The following GALNTL6 variants were observed in gnomAD, a reference collection of about 807,000 sequenced individuals.
GALNTL6 encodes polypeptide N-acetylgalactosaminyltransferase-like 6.
GALNTL6 carries 46 observed loss-of-function variants against 73.7 expected under a neutral mutation model. The observed-to-expected ratio is 0.62, with a 90% CI of 0.49 to 0.80. The LOEUF is 0.80. Among genes scored for constraint, GALNTL6 ranks in the 30% least tolerant of loss-of-function variants. The pLI, the probability that GALNTL6 is intolerant of heterozygous loss-of-function variation, is 0.00. For synonymous variants in GALNTL6, 259 were observed against 263.7 expected (o/e 0.98, Z 0.17); for missense variants, 604 against 755.0 (o/e 0.80, Z 2.34).
chr4:172,407,149 G>T (rs553487919), intron 5 of GALNTL6, among the ~76,000 whole-genome samples: 17 of 151,722 alleles, frequency 1.1e-4, no homozygotes, highest in Non-Finnish European at 1.6e-4. Context: ...TTTTATATTC[G>T]CACTTTATCA....
At chr4:172,923,048 C>G (rs1037404936) in intron 8 of GALNTL6, among the ~76,000 whole-genome samples, 1 of 152,160 alleles carries the variant, frequency 6.6e-6, no homozygotes, top group Non-Finnish European at 1.5e-5. Context: ...CAGGAAGGAC[C>G]GCTCCTTAAG....
intron 2 of GALNTL6, among the ~76,000 whole-genome samples, chr4:171,843,195 G>A (rs922142193): frequency 1.8e-4 from 27 of 151,968 alleles, no homozygotes; most frequent in African/African-American, 5.3e-4. Flanking sequence ...TAGAGGCATC[G>A]TAGCAGGACA....
chr4:172,112,382 T>C (rs557161086), intron 2 of GALNTL6, among the ~76,000 whole-genome samples: 12 of 152,166 alleles, frequency 7.9e-5, no homozygotes, highest in African/African-American at 2.4e-4. Flanking sequence ...TTTGTGGACA[T>C]AAGTTTTCAA....
intron 2 of GALNTL6, among the ~76,000 whole-genome samples, chr4:172,009,528 T>C (rs979918472): frequency 6.6e-6 from 1 of 152,144 alleles, no homozygotes; most frequent in African/African-American, 2.4e-5. Flanking sequence ...TCCTTGATGA[T>C]GCTTCTCATT....
intron 3 of GALNTL6, among the ~76,000 whole-genome samples, chr4:172,238,520 A>G (rs1405210581): frequency 6.6e-6 from 1 of 151,806 alleles, no homozygotes; most frequent in Non-Finnish European, 1.5e-5. Context: ...GGGGTTTTCT[A>G]GTTATGAAAT....
intron 10 of GALNTL6, among the ~76,000 whole-genome samples, chr4:172,981,796 CTTTTTTTTTTTT>C (rs56273122): frequency 9.8e-6 from 1 of 101,808 alleles, no homozygotes; most frequent in South Asian, 3.5e-4. Flanking sequence ...GTATGAACGT[CTTTTTTTTTTTT>C]TTTTTTTTTT....
At chr4:172,422,756 C>G (rs1015779470) in intron 5 of GALNTL6, among the ~76,000 whole-genome samples, 1 of 151,672 alleles carries the variant, frequency 6.6e-6, no homozygotes, top group South Asian at 2.1e-4. Flanking sequence ...AATTCCTGAC[C>G]CTTGTTCCAA....
At chr4:172,621,152 G>T (rs1738935924) in intron 5 of GALNTL6, among the ~76,000 whole-genome samples, 1 of 152,080 alleles carries the variant, frequency 6.6e-6, no homozygotes, top group East Asian at 1.9e-4. Context: ...TTTCATTTTG[G>T]TTTATTTCTG....
chr4:171,834,697 C>T (rs1309878553), intron 2 of GALNTL6, among the ~76,000 whole-genome samples: 2 of 151,728 alleles, frequency 1.3e-5, no homozygotes, highest in Non-Finnish European at 2.9e-5. Flanking sequence ...GTGGATATAC[C>T]ATCTAAAGAT....
chr4:171,978,073 T>C lies in GALNTL6; in HGVS notation c.138+163355T>C, dbSNP rs576552381. Among the ~76,000 whole-genome samples, 5 of 152,250 alleles carry C rather than the reference T, an allele frequency of 3.3e-5. No homozygotes were observed. The East Asian group carries it at 9.7e-4, about 29-fold the overall frequency. On this transcript the variant is annotated intron_variant, in intron 2 of 12. Transcript: ENST00000506823. ...ACCGCCATTACTAACACCAACCTAATATACATTATGTTGGCAAATCTGTGG... is the reference window on the plus strand; with the variant it reads ...ACCGCCATTACTAACACCAACCTAACATACATTATGTTGGCAAATCTGTGG...
At chr4:172,846,652 T>C (rs1404564767) in intron 7 of GALNTL6, among the ~76,000 whole-genome samples, 1 of 152,216 alleles carries the variant, frequency 6.6e-6, no homozygotes, top group Admixed American at 6.5e-5. Flanking sequence ...TCTAGTAGCA[T>C]GAGTGGACCT....
chr4:171,866,787 C>T (rs113084489), intron 2 of GALNTL6, among the ~76,000 whole-genome samples: 17 of 152,152 alleles, frequency 1.1e-4, no homozygotes, highest in African/African-American at 4.1e-4. Flanking sequence ...GAGAGCATTC[C>T]TTGGGTTCTT....
intron 5 of GALNTL6, among the ~76,000 whole-genome samples, chr4:172,605,846 GA>G (rs979015993): frequency 1.5e-4 from 22 of 150,434 alleles, no homozygotes; most frequent in African/African-American, 4.6e-4. Context: ...TTTATTAAGT[GA>G]AAAAAAAAGC....
At chr4:172,050,433 T>C (rs552074714) in intron 2 of GALNTL6, among the ~76,000 whole-genome samples, 2 of 152,184 alleles carry the variant, frequency 1.3e-5, no homozygotes, top group Non-Finnish European at 1.5e-5. Flanking sequence ...TGATTTGCAG[T>C]TGGTTAAAAA....
chr4:172,705,145 T>G (rs1457928730), intron 5 of GALNTL6, among the ~76,000 whole-genome samples: 1 of 151,908 alleles, frequency 6.6e-6, no homozygotes, highest in Non-Finnish European at 1.5e-5. Flanking sequence ...ACCCTTTATC[T>G]TTTAATTGGG....
intron 2 of GALNTL6, among the ~76,000 whole-genome samples, chr4:172,198,145 A>C (rs2110894752): frequency 6.6e-6 from 1 of 152,096 alleles, no homozygotes; most frequent in Middle Eastern, 3.4e-3. Context: ...AAACTATAAA[A>C]TCCTTAGAAA....
intron 5 of GALNTL6, among the ~76,000 whole-genome samples, chr4:172,599,313 C>T (rs1467660359): frequency 1.3e-5 from 2 of 151,762 alleles, no homozygotes; most frequent in East Asian, 1.9e-4. Flanking sequence ...CTCATTTTGT[C>T]GTTATGTATA....
intron 8 of GALNTL6, among the ~76,000 whole-genome samples, chr4:172,903,410 T>A (rs574781348): frequency 6.6e-6 from 1 of 152,288 alleles, no homozygotes; most frequent in South Asian, 2.1e-4. Context: ...TAAGTCCATA[T>A]AACATGCAAG....
At chr4:172,177,745 G>GTA (rs765550820) in intron 2 of GALNTL6, among the ~76,000 whole-genome samples, 7 of 63,486 alleles carry the variant, frequency 1.1e-4, no homozygotes, top group Non-Finnish European at 2.1e-4. Flanking sequence ...ATACACATGT[G>GTA]TATATATATG....
Sources: allele counts gnomAD v4.1 joint callset (sites outside exome capture counted in the v4.1 genomes callset), GRCh38; gene constraint gnomAD v4.1.1; transcripts MANE v1.5; gene names NCBI Gene and HGNC (gene_info 2026-07-23, HGNC 2026-07-21).